Variants in CELF6 observed in about 807,000 individuals in gnomAD.
CELF6 encodes the protein Bruno -like 6, RNA binding protein.
Under a neutral mutation model 53.1 loss-of-function variants are expected in CELF6, and 32 were observed. The observed-to-expected ratio is 0.60, with a 90% CI of 0.46 to 0.81. The LOEUF (loss-of-function observed/expected upper bound fraction) is 0.81, where lower values mean the gene tolerates loss of function less well. CELF6 is among the 30% of genes least tolerant of loss of function. The pLI, the probability that CELF6 is intolerant of heterozygous loss-of-function variation, is 0.00. For missense variants in CELF6, 539 were observed against 669.5 expected (o/e 0.81, Z 2.15); for synonymous variants, 291 against 288.8 (o/e 1.01, Z -0.08).
At chr15:72,318,995 G>A (rs2088395001) in intron 1 of CELF6, among the ~76,000 whole-genome samples, 1 of 152,126 alleles carries the variant, frequency 6.6e-6, no homozygotes, top group African/African-American at 2.4e-5. Flanking sequence ...AACATGAGGG[G>A]GTGTCTGGAA....
intron 3 of CELF6, among the ~76,000 whole-genome samples, chr15:72,290,715 A>T (rs1279963517): frequency 6.6e-6 from 1 of 152,190 alleles, no homozygotes; most frequent in Non-Finnish European, 1.5e-5. Context: ...GGTCAGCCTG[A>T]TAGTGCTGGC....
At chr15:72,292,312 T>C (rs2088016096) in intron 3 of CELF6, 6 of 1,360,638 alleles carry the variant, frequency 4.4e-6, no homozygotes, top group Non-Finnish European at 6.0e-6. Flanking sequence ...ACCAATCTGA[T>C]GGCTTTGCCT....
In CELF6 at chr15:72,286,308, T is replaced by G. The variant is rs906276818; in HGVS notation, c.*63A>C. The G allele has an allele frequency of 6.5e-6, 1 of 152,776 alleles. No individual in the cohort carries two copies. The highest frequency in any genetic ancestry group is 2.4e-5 in the African/African-American group (1 of 41,470). 9.5% of individuals were successfully genotyped at this position (152,776 alleles called of 1,614,324 possible). On this transcript the variant is annotated 3_prime_UTR_variant, in exon 13 of 13. Transcript: ENST00000287202. ...GGGAAGGGCTGCTCAAGCGTTTCTGTGCTTTTCCTCTCCTTTCTTCTCACT... is the reference window on the plus strand; with the variant it reads ...GGGAAGGGCTGCTCAAGCGTTTCTGGGCTTTTCCTCTCCTTTCTTCTCACT...
Position 72,289,687 on chromosome 15 carries a change from G to A in CELF6, c.687C>T (p.His229=), listed in dbSNP as rs1226520549. ...ALRRMQQMAG[H]LGAFHPAPLP... The stretch of plus-strand genomic sequence containing the variant: ...GTGGCGCGGGGTGGAAGGCGCCCAG[G>A]TGGCCGGCCATCTGCTGCATCCGCC... Residue 229 remains histidine, a synonymous_variant, in exon 6 of 13, where the codon CAC becomes CAT. Coordinates refer to ENST00000287202, the MANE Select transcript of CELF6 (RefSeq NM_052840.5). The surrounding 1 kb of genome is among the most constrained non-coding windows in gnomAD (Gnocchi z 7.6). 1 of 1,490,248 alleles carries A rather than the reference G, an allele frequency of 6.7e-7. No individual in the cohort carries two copies. The highest frequency in any genetic ancestry group is 1.4e-5 in the African/African-American group (1 of 69,176). 92.3% of individuals were successfully genotyped at this position (1,490,248 alleles called of 1,614,324 possible).
In CELF6 at chr15:72,319,724, C is replaced by T. The variant is rs1230060931; in HGVS notation, c.151G>A (p.Gly51Arg). ...TCGTCCAAGCCCCGCGGGATCTGCCCCACGAAGAGCTTGATGGCGTCGTGG... is the reference window on the plus strand; with the variant it reads ...TCGTCCAAGCCCCGCGGGATCTGCCTCACGAAGAGCTTGATGGCGTCGTGG... ...KDHDAIKLFV[G>R]QIPRGLDEQD... Residue 51 changes from glycine (G) to arginine (R), a missense_variant, in exon 1 of 13, where the codon GGG becomes AGG. Gly to Arg is a moderately radical substitution (Grantham distance 125, BLOSUM62 -2). Transcript: ENST00000287202. This position sits in a 1 kb window ranked among gnomAD's most constrained non-coding sequence, Gnocchi z 5.0. 4.4e-6 allele frequency: 7 copies of T among 1,600,938 alleles called. No homozygotes were observed. The highest frequency in any genetic ancestry group is 2.2e-5 in the South Asian group (2 of 88,944).
chr15:72,299,989 T>A (rs956216799), intron 3 of CELF6, among the ~76,000 whole-genome samples: 1 of 152,230 alleles, frequency 6.6e-6, no homozygotes, highest in Non-Finnish European at 1.5e-5. Flanking sequence ...ATCAGGCAGA[T>A]CCTGGTGTAT....
intron 3 of CELF6, among the ~76,000 whole-genome samples, chr15:72,296,811 AGGATGT>A (rs1410727399): frequency 1.3e-5 from 2 of 152,256 alleles, no homozygotes; most frequent in Non-Finnish European, 2.9e-5. Context: ...AGCGTTGGCG[AGGATGT>A]GGAGAAATTG....
chr15:72,319,860 C>A lies in CELF6; in HGVS notation c.15G>T (p.Pro5=), dbSNP rs1420808546. The change falls in exon 1 of 13, where the codon CCG becomes CCT. Residue 5 remains proline, a synonymous_variant. Coordinates refer to ENST00000287202, the MANE Select transcript of CELF6 (RefSeq NM_052840.5). The surrounding 1 kb of genome is among the most constrained non-coding windows in gnomAD (Gnocchi z 5.0). MAAA[P]GGSAQPAGPG... ...GGCCAGCGGGCTGCGCTGACCCTCCCGGCGCCGCGGCCATGTCCCCGCCCT... is the reference window on the plus strand; with the variant it reads ...GGCCAGCGGGCTGCGCTGACCCTCCAGGCGCCGCGGCCATGTCCCCGCCCT... 1 of 1,508,426 alleles carries A rather than the reference C, an allele frequency of 6.6e-7. No individual in the cohort carries two copies. The allele number at this position is 1,508,426 out of a possible 1,614,324, so 93.4% of individuals were successfully genotyped here.
chr15:72,319,213 C>A lies in CELF6; in HGVS notation c.262+400G>T, dbSNP rs2140310140. 6.6e-6 allele frequency among the ~76,000 whole-genome samples: 1 copy of A among 152,090 alleles called. No homozygotes were observed. The highest frequency in any genetic ancestry group is 2.4e-5 in the African/African-American group (1 of 41,490). On this transcript the variant is annotated intron_variant, in intron 1 of 12. Transcript: ENST00000287202. This position sits in a 1 kb window ranked among gnomAD's most constrained non-coding sequence, Gnocchi z 5.0. ...TGGTTAGGCCTGAGTGAGGTGCCAC[C>A]AGATGGAGGATTCAGGAGTGTTTGG... is the stretch of plus-strand genomic sequence containing the variant.
intron 2 of CELF6, among the ~76,000 whole-genome samples, chr15:72,315,628 C>T (rs1037620456): frequency 6.6e-6 from 1 of 152,154 alleles, no homozygotes; most frequent in Non-Finnish European, 1.5e-5. Flanking sequence ...ATGGGTGGAA[C>T]GCCTGGCCCA....
intron 3 of CELF6, among the ~76,000 whole-genome samples, chr15:72,295,075 T>C (rs2088060195): frequency 6.6e-6 from 1 of 151,762 alleles, no homozygotes; most frequent in Non-Finnish European, 1.5e-5. Context: ...GGCTCACGCC[T>C]GTAAACCCAG....
chr15:72,306,171 T>C (rs961755581), intron 2 of CELF6: 3 of 974,596 alleles, frequency 3.1e-6, no homozygotes, highest in Middle Eastern at 5.3e-4. Flanking sequence ...GGGGATCACA[T>C]GAGGTAATGG....
In CELF6 at chr15:72,287,338, T is replaced by C. The variant is rs1241857498; in HGVS notation, c.1373A>G (p.Asn458Ser). The C allele has an allele frequency of 6.2e-7, 1 of 1,614,148 alleles. No homozygotes were observed. The highest frequency in any genetic ancestry group is 1.7e-5 in the Admixed American group (1 of 60,026). Reference sequence around the variant, plus strand: ...CCTCTTCATGCCAATTTGAAAGCCATTCATCGCCTGAATAGCAGTCTGGGC... The same window carrying C: ...CCTCTTCATGCCAATTTGAAAGCCACTCATCGCCTGAATAGCAGTCTGGGC... ...TSAQTAIQAM[N>S]GFQIGMKRLK... Residue 458 changes from asparagine (N) to serine (S), a missense_variant, in exon 12 of 13, where the codon AAT becomes AGT. Coordinates refer to ENST00000287202, the MANE Select transcript of CELF6 (RefSeq NM_052840.5).
intron 1 of CELF6, 107 bp from the exon 2 acceptor site, chr15:72,316,034 G>A: frequency 1.4e-6 from 1 of 699,040 alleles, no homozygotes; most frequent in Non-Finnish European, 2.4e-6. Flanking sequence ...CTTTAAGCAA[G>A]GACTCTGCTT....
chr15:72,292,108 C>T, intron 3 of CELF6: 1 of 818,052 alleles, frequency 1.2e-6, no homozygotes, highest in Non-Finnish European at 1.9e-6. Flanking sequence ...GTGACTGAAG[C>T]CAGAAAAGGA....
chr15:72,292,938 A>T (rs1336555583), intron 3 of CELF6, among the ~76,000 whole-genome samples: 4 of 152,208 alleles, frequency 2.6e-5, no homozygotes, highest in Non-Finnish European at 5.9e-5. Context: ...GAGGTGGGAA[A>T]ATGGCTTGGA....
At chr15:72,309,087 AT>A (rs904883710) in intron 2 of CELF6, among the ~76,000 whole-genome samples, 24 of 152,286 alleles carry the variant, frequency 1.6e-4, no homozygotes, top group African/African-American at 5.8e-4. Flanking sequence ...TAATTTTTAA[AT>A]TTTTTGTAGA....
chr15:72,306,180 G>A lies in CELF6; in HGVS notation c.346-1386C>T, dbSNP rs971826749. On this transcript the variant is annotated intron_variant, in intron 2 of 12. Transcript: ENST00000287202. ...TGTTGTGGGGATCACATGAGGTAAT[G>A]GGGACGCAAAAGGTCTTTGTAAACT... is the stretch of plus-strand genomic sequence containing the variant. 15 of 975,626 alleles carry A rather than the reference G, an allele frequency of 1.5e-5. No homozygotes were observed. The African/African-American group carries it at 2.6e-4, about 17-fold the overall frequency. 60.4% of individuals were successfully genotyped at this position (975,626 alleles called of 1,614,324 possible).
intron 2 of CELF6, among the ~76,000 whole-genome samples, chr15:72,308,152 A>C (rs2959925): frequency 0.19 from 29,568 of 152,160 alleles, 7,673 homozygotes; most frequent in African/African-American, 0.59. Flanking sequence ...CATGATCTTA[A>C]CTTGCAGCGT....
Sources: allele counts gnomAD v4.1 joint callset (sites outside exome capture counted in the v4.1 genomes callset), GRCh38; gene constraint gnomAD v4.1.1; non-coding constraint Gnocchi (gnomAD v3.1); transcripts MANE v1.5; gene names NCBI Gene and HGNC (gene_info 2026-07-23, HGNC 2026-07-21).